The following VPS41 variants were observed in gnomAD, a reference collection of about 807,000 sequenced individuals.
VPS41 encodes VPS41 subunit of HOPS complex, also known as vacuolar protein sorting-associated protein 41 homolog.
In VPS41, 85 loss-of-function variants were observed where a neutral mutation model predicts 130.9. The observed-to-expected ratio is 0.65, with a 90% confidence interval of 0.55 to 0.78. VPS41 has a LOEUF of 0.78. VPS41 is among the 30% of genes least tolerant of loss of function. The probability of loss-of-function intolerance (pLI) is 0.00; values close to 1 mark genes in which losing one functional copy is unlikely to be tolerated. For synonymous variants in VPS41, 335 were observed against 332.9 expected, an observed-to-expected ratio of 1.01 and a Z score of -0.07; for missense variants, 874 against 1,018.7, an observed-to-expected ratio of 0.86 and a Z score of 1.93.
At chr7:38,802,555 G>A (rs891823057) in intron 7 of VPS41, among the ~76,000 whole-genome samples, 2 of 152,030 alleles carry the variant, frequency 1.3e-5, no homozygotes, top group Admixed American at 1.3e-4. Flanking sequence ...CTCTCCATTG[G>A]CTTTTTTATC....
At chr7:38,766,481 G>A (rs527871176) in intron 15 of VPS41, among the ~76,000 whole-genome samples, 25 of 152,112 alleles carry the variant, frequency 1.6e-4, no homozygotes, top group African/African-American at 6.0e-4. Flanking sequence ...GAAATGAGAC[G>A]ACACAAATAG....
chr7:38,888,113 T>G (rs556517411), intron 2 of VPS41, among the ~76,000 whole-genome samples: 72 of 152,278 alleles, frequency 4.7e-4, no homozygotes, highest in Non-Finnish European at 8.8e-4. Flanking sequence ...ATGAAAAAAC[T>G]GTATCAATTA....
chr7:38,784,716 A>G (rs551774847), intron 10 of VPS41, among the ~76,000 whole-genome samples: 2 of 152,302 alleles, frequency 1.3e-5, no homozygotes, highest in Non-Finnish European at 2.9e-5. Context: ...GATTCAAAGC[A>G]CACTGCAGTT....
chr7:38,862,004 A>G (rs1198303261), intron 4 of VPS41, among the ~76,000 whole-genome samples: 1 of 152,222 alleles, frequency 6.6e-6, no homozygotes, highest in East Asian at 1.9e-4. Flanking sequence ...TCAATTTTCA[A>G]TTACATTTGG....
rs574707546 is a variant in VPS41 at position 38,780,846 on chromosome 7, T to C, written c.785-4070A>G. On this transcript the variant is annotated intron_variant, in intron 10 of 28. Coordinates refer to ENST00000310301, the MANE Select transcript of VPS41 (RefSeq NM_014396.4). ...GAATGGTCATTTCTCATGACTGTTTTAGCACAATCCTCTTGGTACTGTCCT... is the reference window on the plus strand; with the variant it reads ...GAATGGTCATTTCTCATGACTGTTTCAGCACAATCCTCTTGGTACTGTCCT... Among the ~76,000 whole-genome samples the C allele has an allele frequency of 1.9e-3, 284 of 152,298 alleles. 1 individual carries two copies. Among genetic ancestry groups the C allele is most frequent in the Non-Finnish European group, 3.5e-3 (236 of 68,020 alleles).
chr7:38,773,313 T>C (rs1784191793), intron 12 of VPS41, among the ~76,000 whole-genome samples: 1 of 85,308 alleles, frequency 1.2e-5, no homozygotes, highest in South Asian at 4.8e-4. Context: ...ATACCTAGAT[T>C]GGACACTTTT....
intron 6 of VPS41, 150 bp downstream of exon 6, chr7:38,821,053 A>G: frequency 1.6e-6 from 1 of 614,000 alleles, no homozygotes; most frequent in African/African-American, 1.8e-5. Flanking sequence ...CTTCTTTCAC[A>G]GCATCTAAAT....
intron 4 of VPS41, among the ~76,000 whole-genome samples, chr7:38,859,830 A>G (rs1786065896): frequency 6.6e-6 from 1 of 152,234 alleles, no homozygotes; most frequent in Non-Finnish European, 1.5e-5. Flanking sequence ...ATTTTATAAG[A>G]ATTCTGAAGT....
chr7:38,871,483 A>T (rs1448086575), intron 2 of VPS41, among the ~76,000 whole-genome samples: 4 of 152,186 alleles, frequency 2.6e-5, no homozygotes. Flanking sequence ...AAAACAAACA[A>T]ACCCTACTGA....
At chr7:38,815,941 TACAC>T (rs1388731336) in intron 7 of VPS41, among the ~76,000 whole-genome samples, 2 of 142,698 alleles carry the variant, frequency 1.4e-5, no homozygotes, top group Non-Finnish European at 3.1e-5. Flanking sequence ...TATATATATA[TACAC>T]ATATATACAC....
intron 25 of VPS41, among the ~76,000 whole-genome samples, chr7:38,733,391 G>A (rs1795705257): frequency 6.6e-6 from 1 of 152,038 alleles, no homozygotes; most frequent in Non-Finnish European, 1.5e-5. Context: ...TGTTTTTTAC[G>A]GTTATGCTGG....
intron 2 of VPS41, among the ~76,000 whole-genome samples, chr7:38,884,450 T>C (rs759987343): frequency 8.5e-5 from 13 of 152,220 alleles, no homozygotes; most frequent in Non-Finnish European, 1.5e-4. Flanking sequence ...TAAATGCACA[T>C]CTGTTTAGGA....
rs1304458750 is a variant in VPS41, at chr7:38,817,902, C to A, written c.385-20G>T. The A allele has an allele frequency of 6.2e-7, 1 of 1,609,854 alleles. No homozygotes were observed. The highest frequency in any genetic ancestry group is 2.2e-5 in the East Asian group (1 of 44,846). Reference sequence around the variant, plus strand: ...AATAATCTACAAGAGAAACAGAACCCAACTCTGGTTTAGGAGTCATGGCCA... The same window carrying A: ...AATAATCTACAAGAGAAACAGAACCAAACTCTGGTTTAGGAGTCATGGCCA... On this transcript the variant is annotated intron_variant, in intron 6 of 28. Coordinates refer to ENST00000310301, the MANE Select transcript of VPS41 (RefSeq NM_014396.4).
chr7:38,791,022 GC>G (rs752355400), intron 9 of VPS41, among the ~76,000 whole-genome samples: 1 of 152,194 alleles, frequency 6.6e-6, no homozygotes, highest in Non-Finnish European at 1.5e-5. Context: ...CAACACTGCA[GC>G]GACTCAGTGA....
chr7:38,872,089 A>T lies in VPS41; in HGVS notation c.61-2836T>A, dbSNP rs80157991. Among the ~76,000 whole-genome samples the T allele has an allele frequency of 8.8e-3, 1,340 of 152,358 alleles. 61 individuals are homozygous for T. The highest frequency in any genetic ancestry group is 0.06 in the Admixed American group (911 of 15,306). On this transcript the variant is annotated intron_variant, in intron 2 of 28. Transcript: ENST00000310301. ...CTCACGGCGTTGCAGACAAGATGTC[A>T]GCTAGGGCTGTAACTATCAGAAGGC...
intron 13 of VPS41, 101 bp downstream of exon 13, chr7:38,772,419 ACT>A (rs1228941385): frequency 9.0e-6 from 7 of 779,812 alleles, no homozygotes; most frequent in Non-Finnish European, 1.4e-5. Flanking sequence ...GGCTTGGGAA[ACT>A]CTACTTTGAC....
Position 38,756,918 on chromosome 7 carries a change from C to A in VPS41, c.1615G>T (p.Val539Phe). The A allele has an allele frequency of 1.9e-6, 3 of 1,600,222 alleles. No individual in the cohort carries two copies. The highest frequency in any genetic ancestry group is 1.1e-5 in the South Asian group (1 of 90,732). Residue 539 changes from valine (V) to phenylalanine (F), a missense_variant, in exon 19 of 29, where the codon GTT becomes TTT. Val to Phe is a conservative substitution (Grantham distance 50, BLOSUM62 -1). Coordinates refer to ENST00000310301, the MANE Select transcript of VPS41 (RefSeq NM_014396.4). ...TTATGCTTGTGGATCAACTGAAAAA[C>A]GTCTTTATGTCTTAATGTTAAGTAT... ...EIYLTLRHKD[V>F]FQLIHKHNLF...
chr7:38,819,868 A>C (rs1007330297), intron 6 of VPS41, among the ~76,000 whole-genome samples: 1 of 152,176 alleles, frequency 6.6e-6, no homozygotes, highest in Non-Finnish European at 1.5e-5. Flanking sequence ...ATCTTTAAAA[A>C]TAGCTTCACC....
chr7:38,830,520 T>G (rs769343469), intron 4 of VPS41, among the ~76,000 whole-genome samples, 192 bp from the exon 5 acceptor site: 2 of 152,210 alleles, frequency 1.3e-5, no homozygotes, highest in Non-Finnish European at 2.9e-5. Context: ...CAACATGAGC[T>G]TGCAGAGTAG....
Sources: allele counts gnomAD v4.1 joint callset (sites outside exome capture counted in the v4.1 genomes callset), GRCh38; gene constraint gnomAD v4.1.1; transcripts MANE v1.5; gene names NCBI Gene and HGNC (gene_info 2026-07-23, HGNC 2026-07-21).